Variants in PRDM16 observed in about 807,000 individuals in gnomAD.
The protein encoded by PRDM16 is PR/SET domain 16, also known as histone-lysine N-methyltransferase PRDM16.
In PRDM16, 23 loss-of-function variants were observed where a neutral mutation model predicts 110.6. The observed-to-expected ratio is 0.21, with a 90% confidence interval of 0.15 to 0.29. PRDM16 has a LOEUF of 0.29. Ranked by LOEUF, PRDM16 falls within the 10% of genes least tolerant of loss-of-function variation. PRDM16 has a pLI of 1.00. For synonymous variants in PRDM16, 799 were observed against 781.8 expected (o/e 1.02, Z -0.37); for missense variants, 1,615 against 1,794.3 (o/e 0.90, Z 1.81).
chr1:3,098,229 C>T (rs58751817), intron 1 of PRDM16, among the ~76,000 whole-genome samples: 3,470 of 152,272 alleles, frequency 0.023, 128 homozygotes, highest in African/African-American at 0.08. Context: ...CAGTTCCCCA[C>T]CCTGGGTCTG....
intron 7 of PRDM16, 137 bp from the exon 8 acceptor site, chr1:3,405,358 C>T: frequency 1.0e-6 from 1 of 986,854 alleles, no homozygotes; most frequent in Non-Finnish European, 1.4e-6. Context: ...CCTGTCCCGG[C>T]CTGCTTGGTG....
rs186244777 is a variant in PRDM16, at chr1:3,199,007, C to T, written c.387+12533C>T. Among the ~76,000 whole-genome samples, 100 of 152,262 alleles carry T rather than the reference C, an allele frequency of 6.6e-4. No individual in the cohort carries two copies. The East Asian group carries it at 0.012, about 19-fold the overall frequency. On this transcript the variant is annotated intron_variant, in intron 2 of 16. Transcript: ENST00000270722. ...GGCAGCAGCTGAGATAAACCCTCAC[C>T]CAGAACAAAGTCGAAATGACCTTTT... is the stretch of plus-strand genomic sequence containing the variant.
chr1:3,246,322 C>T lies in PRDM16; in HGVS notation c.438+2185C>T, dbSNP rs1431005951. ...CCCAGGGCAGCAGGCATCCCTCTGA[C>T]GCAGGCCCTTGGAAAGCAGGTTGAG... On this transcript the variant is annotated intron_variant, in intron 3 of 16. Transcript: ENST00000270722. This position sits in a 1 kb window ranked among gnomAD's most constrained non-coding sequence, Gnocchi z 5.2. Among the ~76,000 whole-genome samples, 5 of 152,210 alleles carry T rather than the reference C, an allele frequency of 3.3e-5. No individual in the cohort carries two copies. Among genetic ancestry groups the T allele is most frequent in the East Asian group, 3.9e-4 (2 of 5,192 alleles).
intron 1 of PRDM16, among the ~76,000 whole-genome samples, chr1:3,113,349 C>T (rs556417341): frequency 6.6e-6 from 1 of 152,274 alleles, no homozygotes; most frequent in South Asian, 2.1e-4. Context: ...CCCTGGAACA[C>T]AGTGGCTCCT....
chr1:3,337,096 CAT>C (rs1346216983), intron 3 of PRDM16, among the ~76,000 whole-genome samples: 1 of 151,324 alleles, frequency 6.6e-6, no homozygotes, highest in Non-Finnish European at 1.5e-5. Flanking sequence ...CATGCATCCA[CAT>C]GAGTGTTGGT....
chr1:3,404,705 T>C, intron 6 of PRDM16, 34 bp from the exon 7 acceptor site: 1 of 1,609,692 alleles, frequency 6.2e-7, no homozygotes, highest in Non-Finnish European at 8.5e-7. Context: ...GGGCAGGTAG[T>C]CGGGCCCCGC....
chr1:3,355,957 G>A (rs905232450), intron 3 of PRDM16, among the ~76,000 whole-genome samples: 2 of 151,956 alleles, frequency 1.3e-5, no homozygotes, highest in East Asian at 1.9e-4. Flanking sequence ...GAGCAAAGAC[G>A]CCTTTCCCCA....
chr1:3,314,753 C>T (rs1641559209), intron 3 of PRDM16, among the ~76,000 whole-genome samples: 1 of 152,050 alleles, frequency 6.6e-6, no homozygotes, highest in Non-Finnish European at 1.5e-5. Flanking sequence ...AGTTCGGGTT[C>T]AGTTGCTTCG....
intron 3 of PRDM16, among the ~76,000 whole-genome samples, chr1:3,292,020 T>C (rs990989744): frequency 3.3e-5 from 5 of 152,174 alleles, no homozygotes; most frequent in Admixed American, 3.3e-4. Flanking sequence ...ATCTTGTGTT[T>C]TGGGCTTGGC....
intron 1 of PRDM16, among the ~76,000 whole-genome samples, chr1:3,182,121 C>T (rs1263274079): frequency 1.3e-5 from 2 of 152,250 alleles, no homozygotes; most frequent in Non-Finnish European, 1.5e-5. Flanking sequence ...CTTTCCTGCC[C>T]AGTGGGGCCT....
chr1:3,215,565 A>G (rs1286053352), intron 2 of PRDM16, among the ~76,000 whole-genome samples: 1 of 151,756 alleles, frequency 6.6e-6, no homozygotes, highest in Non-Finnish European at 1.5e-5. Context: ...CTGCAGCCCC[A>G]CCCTCCCTCC....
intron 3 of PRDM16, among the ~76,000 whole-genome samples, chr1:3,305,683 G>A (rs1203006975): frequency 6.6e-6 from 1 of 152,248 alleles, no homozygotes; most frequent in African/African-American, 2.4e-5. Context: ...GAAAACGGTG[G>A]GGAATTGTGG....
intron 1 of PRDM16, among the ~76,000 whole-genome samples, chr1:3,099,943 G>T (rs1429598633): frequency 6.6e-6 from 1 of 152,142 alleles, no homozygotes; most frequent in Non-Finnish European, 1.5e-5. Context: ...TCGGGGGTCG[G>T]TGGCAAGCAA....
chr1:3,337,033 G>A (rs1484915710), intron 3 of PRDM16, among the ~76,000 whole-genome samples: 3 of 151,982 alleles, frequency 2.0e-5, no homozygotes, highest in African/African-American at 7.3e-5. Context: ...GTGAGTCTGT[G>A]TGTGCACATT....
At chr1:3,074,430 C>T (rs35397508) in intron 1 of PRDM16, among the ~76,000 whole-genome samples, 54,006 of 151,346 alleles carry the variant, frequency 0.36, 10,734 homozygotes, top group East Asian at 0.57. Context: ...TGTGTGTGTG[C>T]GCGTGTGTGT....
intron 3 of PRDM16, among the ~76,000 whole-genome samples, chr1:3,384,859 A>T (rs1306084047): frequency 6.6e-6 from 1 of 151,898 alleles, no homozygotes; most frequent in Non-Finnish European, 1.5e-5. Flanking sequence ...GGGGGTTGCA[A>T]CTCTGGAGGC....
chr1:3,126,229 C>A (rs911155470), intron 1 of PRDM16, among the ~76,000 whole-genome samples: 1 of 152,218 alleles, frequency 6.6e-6, no homozygotes, highest in Non-Finnish European at 1.5e-5. Flanking sequence ...AGTCGGTCCC[C>A]GCAGCTCTCG....
At chr1:3,324,580 G>C (rs533261449) in intron 3 of PRDM16, among the ~76,000 whole-genome samples, 15 of 152,236 alleles carry the variant, frequency 9.9e-5, no homozygotes, top group African/African-American at 3.1e-4. Context: ...CCGAACAGCC[G>C]AGCGACCTGG....
At chr1:3,384,658 A>T (rs1643164954) in intron 3 of PRDM16, among the ~76,000 whole-genome samples, 1 of 152,202 alleles carries the variant, frequency 6.6e-6, no homozygotes, top group Non-Finnish European at 1.5e-5. Flanking sequence ...AGGAAACCAG[A>T]TGCTTTTCTT....
Sources: gnomAD v4.1 joint callset for allele counts (sites outside exome capture counted in the v4.1 genomes callset) on GRCh38, gnomAD v4.1.1 for gene constraint, Gnocchi (gnomAD v3.1) non-coding constraint, MANE v1.5 for transcripts, NCBI Gene and HGNC (gene_info 2026-07-23, HGNC 2026-07-21) for gene names.